Variants in CTNNA2 observed in about 807,000 individuals in gnomAD.
CTNNA2 encodes the protein catenin alpha-2.
Under a neutral mutation model 101.0 loss-of-function variants are expected in CTNNA2, and 42 were observed. The observed-to-expected ratio is 0.42, with a 90% CI of 0.32 to 0.54. The LOEUF (loss-of-function observed/expected upper bound fraction) is 0.54, where lower values mean the gene tolerates loss of function less well. CTNNA2 is among the 20% of genes least tolerant of loss of function. CTNNA2 has a pLI of 0.14. For missense variants in CTNNA2, 871 were observed against 1,223.1 expected (o/e 0.71, Z 4.29); for synonymous variants, 450 against 456.4 (o/e 0.99, Z 0.18).
At chr2:80,277,883 T>G (rs1193642303) in intron 7 of CTNNA2, among the ~76,000 whole-genome samples, 1 of 151,946 alleles carries the variant, frequency 6.6e-6, no homozygotes, top group Non-Finnish European at 1.5e-5. Context: ...ACTAGAAGAG[T>G]GAGAGTTTAT....
intron 3 of CTNNA2, among the ~76,000 whole-genome samples, chr2:79,345,021 G>C (rs1434210): frequency 0.48 from 71,595 of 149,848 alleles, 17,511 homozygotes; most frequent in South Asian, 0.66. Flanking sequence ...CTGTATTTGA[G>C]TGTATGTATT....
At chr2:80,627,381 G>T (rs1487029390) in intron 18 of CTNNA2, among the ~76,000 whole-genome samples, 2 of 152,034 alleles carry the variant, frequency 1.3e-5, no homozygotes, top group Non-Finnish European at 2.9e-5. Context: ...AGCATCTGTT[G>T]TTTCCTGACT....
intron 4 of CTNNA2, among the ~76,000 whole-genome samples, chr2:79,405,958 AGAAGAATACT>A (rs775742702): frequency 6.6e-6 from 1 of 152,060 alleles, no homozygotes. Context: ...ATTACTCCTC[AGAAGAATACT>A]GAAAGAGGAG....
intron 7 of CTNNA2, among the ~76,000 whole-genome samples, chr2:80,057,862 G>A (rs377055965): frequency 2.6e-5 from 4 of 151,998 alleles, no homozygotes; most frequent in East Asian, 1.9e-4. Flanking sequence ...GGAAACATAC[G>A]GTATGAGGAT....
intron 6 of CTNNA2, among the ~76,000 whole-genome samples, chr2:79,886,170 A>C (rs562988868): frequency 6.6e-6 from 1 of 152,316 alleles, no homozygotes; most frequent in African/African-American, 2.4e-5. Context: ...GGCAAGATGA[A>C]ATTGTGGAAT....
intron 7 of CTNNA2, among the ~76,000 whole-genome samples, chr2:80,081,722 G>T (rs965908263): frequency 6.6e-6 from 1 of 150,766 alleles, no homozygotes; most frequent in Non-Finnish European, 1.5e-5. Flanking sequence ...TTACTACTCC[G>T]CTAAGACAAT....
At chr2:79,711,391 A>G (rs113372632) in intron 2 of CTNNA2, among the ~76,000 whole-genome samples, 1,711 of 152,266 alleles carry the variant, frequency 0.011, 13 homozygotes, top group Middle Eastern at 0.02. Flanking sequence ...TCATCTGATT[A>G]ATAGCTTTTG....
chr2:80,484,040 G>A (rs1686354148), intron 9 of CTNNA2, among the ~76,000 whole-genome samples: 2 of 152,100 alleles, frequency 1.3e-5, no homozygotes, highest in Admixed American at 1.3e-4. Context: ...CAGTTATGCT[G>A]TATAAAAAGA....
chr2:80,595,031 T>G (rs749123282), intron 15 of CTNNA2, among the ~76,000 whole-genome samples: 1 of 152,142 alleles, frequency 6.6e-6, no homozygotes, highest in Non-Finnish European at 1.5e-5. Context: ...TTTTTAAATT[T>G]TGGCCAAAAT....
intron 3 of CTNNA2, among the ~76,000 whole-genome samples, chr2:79,785,921 T>C (rs922517675): frequency 4.6e-5 from 7 of 152,158 alleles, no homozygotes; most frequent in African/African-American, 1.7e-4. Flanking sequence ...TTGTATGCTC[T>C]TCACAATTGC....
Position 80,597,652 on chromosome 2 carries a change from G to T in CTNNA2, c.2190-6422G>T, listed in dbSNP as rs146357385. 4.6e-3 allele frequency among the ~76,000 whole-genome samples: 705 copies of T among 152,162 alleles called. 10 individuals are homozygous for T. The highest frequency in any genetic ancestry group is 0.016 in the African/African-American group (669 of 41,510). On this transcript the variant is annotated intron_variant, in intron 15 of 18. Coordinates refer to ENST00000402739, the MANE Select transcript of CTNNA2 (RefSeq NM_001282597.3). ...AGAAAAAAAACACCACCTTCAAAAAGTGGGCAAAGGATATGAACAGACACT... is the reference window on the plus strand; with the variant it reads ...AGAAAAAAAACACCACCTTCAAAAATTGGGCAAAGGATATGAACAGACACT...
intron 9 of CTNNA2, among the ~76,000 whole-genome samples, chr2:80,490,828 G>A (rs1000520510): frequency 4.6e-4 from 70 of 152,036 alleles, no homozygotes; most frequent in African/African-American, 1.5e-3. Flanking sequence ...TTTGTGTTAT[G>A]CCCTCTCCCC....
At chr2:79,618,411 C>T (rs928979870) in intron 1 of CTNNA2, among the ~76,000 whole-genome samples, 3 of 152,142 alleles carry the variant, frequency 2.0e-5, no homozygotes, top group Admixed American at 2.0e-4. Flanking sequence ...TGTTCCGAAG[C>T]AGCTCTTAGG....
At chr2:79,706,048 C>T (rs755274913) in intron 2 of CTNNA2, among the ~76,000 whole-genome samples, 1 of 151,970 alleles carries the variant, frequency 6.6e-6, no homozygotes, top group Admixed American at 6.6e-5. Flanking sequence ...GAGCCGAAGG[C>T]CTTCGTGTGG....
At chr2:80,482,154 T>C (rs563975912) in intron 9 of CTNNA2, among the ~76,000 whole-genome samples, 2 of 152,254 alleles carry the variant, frequency 1.3e-5, no homozygotes, top group East Asian at 3.9e-4. Flanking sequence ...CAACAGACTT[T>C]GATTAATCTG....
intron 7 of CTNNA2, among the ~76,000 whole-genome samples, chr2:80,048,649 A>G (rs1696680801): frequency 6.6e-6 from 1 of 152,236 alleles, no homozygotes; most frequent in Non-Finnish European, 1.5e-5. Context: ...GTAACTTGCT[A>G]TCTTGTGAAG....
At chr2:80,277,553 G>GGAAAGAAAAAAAAAAAAAA (rs377036919) in intron 7 of CTNNA2, among the ~76,000 whole-genome samples, 1 of 83,828 alleles carries the variant, frequency 1.2e-5, no homozygotes, top group African/African-American at 4.6e-5. Flanking sequence ...AAGGATTTCT[G>GGAAAGAAAAAAAAAAAAAA]AAAAAAAAAA....
chr2:80,519,847 A>C (rs748122649), intron 9 of CTNNA2, among the ~76,000 whole-genome samples: 25 of 152,180 alleles, frequency 1.6e-4, no homozygotes, highest in Non-Finnish European at 2.2e-4. Flanking sequence ...TCAGATGCAG[A>C]CCCATAATGG....
At chr2:79,802,103 T>C (rs989582315) in intron 3 of CTNNA2, among the ~76,000 whole-genome samples, 3 of 151,704 alleles carry the variant, frequency 2.0e-5, no homozygotes, top group African/African-American at 7.3e-5. Flanking sequence ...CAGGATAAGA[T>C]AAATCAGAAC....
Sources: allele counts gnomAD v4.1 joint callset (sites outside exome capture counted in the v4.1 genomes callset), GRCh38; gene constraint gnomAD v4.1.1; transcripts MANE v1.5; gene names NCBI Gene and HGNC (gene_info 2026-07-23, HGNC 2026-07-21).